Variants in CNTN4 observed in about 807,000 individuals in gnomAD.
CNTN4 encodes the protein contactin 4, also known as contactin-4.
In CNTN4, 77 loss-of-function variants were observed where a neutral mutation model predicts 122.5. The ratio of observed to expected loss-of-function variants is 0.63; its 90% CI spans 0.52 to 0.76. The LOEUF is 0.76. Among genes scored for constraint, CNTN4 ranks in the 30% least tolerant of loss-of-function variants. The pLI, the probability that CNTN4 is intolerant of heterozygous loss-of-function variation, is 0.00. For missense variants in CNTN4, 1,256 were observed against 1,259.1 expected (o/e 1.00, Z 0.04); for synonymous variants, 512 against 447.0 (o/e 1.15, Z -1.83).
At chr3:2,785,139 A>ACACATATG (rs2091762528) in intron 6 of CNTN4, among the ~76,000 whole-genome samples, 1 of 12,506 alleles carries the variant, frequency 8.0e-5, no homozygotes, top group Non-Finnish European at 2.4e-4. Context: ...ACACACACAC[A>ACACATATG]TATATATAGA....
At chr3:2,248,941 C>CT (rs1462184786) in intron 2 of CNTN4, among the ~76,000 whole-genome samples, 1 of 151,832 alleles carries the variant, frequency 6.6e-6, no homozygotes, top group African/African-American at 2.4e-5. Context: ...AAGGTATTCC[C>CT]TCGTACCCTC....
intron 3 of CNTN4, among the ~76,000 whole-genome samples, chr3:2,538,426 C>T (rs2077896596): frequency 6.6e-6 from 1 of 152,076 alleles, no homozygotes; most frequent in African/African-American, 2.4e-5. Context: ...ATCTACTTAG[C>T]AATGCATTTT....
At chr3:3,027,043 G>C (rs1023916384) in intron 15 of CNTN4, among the ~76,000 whole-genome samples, 3 of 152,202 alleles carry the variant, frequency 2.0e-5, no homozygotes, top group African/African-American at 7.2e-5. Context: ...GCCCTGACTT[G>C]AAAAGCTCTC....
At chr3:2,556,889 A>C (rs1372263560) in intron 3 of CNTN4, among the ~76,000 whole-genome samples, 1 of 152,112 alleles carries the variant, frequency 6.6e-6, no homozygotes, top group East Asian at 1.9e-4. Flanking sequence ...AATGGAACAA[A>C]GTTTTTTCTA....
intron 3 of CNTN4, among the ~76,000 whole-genome samples, chr3:2,431,411 A>C (rs1016787847): frequency 9.2e-5 from 14 of 152,214 alleles, no homozygotes; most frequent in African/African-American, 2.4e-4. Flanking sequence ...TTTGAAGCAA[A>C]ATTATCTTCC....
intron 2 of CNTN4, among the ~76,000 whole-genome samples, chr3:2,245,543 A>G (rs2040111920): frequency 6.6e-6 from 1 of 152,024 alleles, no homozygotes; most frequent in African/African-American, 2.4e-5. Context: ...TTGCATTGAA[A>G]CTGTTGCAAC....
rs113157478 is a variant in CNTN4, at chr3:2,165,232, A to G, written c.-145+64593A>G. ...CAGCTACTCCAGAGGCTGAGGCAGG[A>G]GAATTGCTTGAACCCAGGAGGCAGA... On this transcript the variant is annotated intron_variant, in intron 2 of 24. Transcript: ENST00000418658. Among the ~76,000 whole-genome samples, 760 of 152,028 alleles carry G rather than the reference A, an allele frequency of 5.0e-3. 6 individuals are homozygous for G. The highest frequency in any genetic ancestry group is 0.018 in the African/African-American group (729 of 41,492).
chr3:2,753,729 T>TTTGTTGCA (rs2090204651), intron 6 of CNTN4, among the ~76,000 whole-genome samples: 1 of 152,236 alleles, frequency 6.6e-6, no homozygotes, highest in Non-Finnish European at 1.5e-5. Context: ...ACTTGAATTT[T>TTTGTTGCA]TTGTTGCATT....
At chr3:2,134,727 G>A (rs2034605884) in intron 2 of CNTN4, among the ~76,000 whole-genome samples, 1 of 152,144 alleles carries the variant, frequency 6.6e-6, no homozygotes, top group Admixed American at 6.5e-5. Flanking sequence ...CAGTGCAAGG[G>A]GAGCCCTGTG....
intron 13 of CNTN4, among the ~76,000 whole-genome samples, chr3:2,937,725 C>T (rs928807220): frequency 5.3e-5 from 8 of 152,168 alleles, no homozygotes; most frequent in Non-Finnish European, 8.8e-5. Context: ...ACAGAATCCA[C>T]AGCAGTGCTT....
At chr3:2,634,886 A>T (rs1157929629) in intron 4 of CNTN4, among the ~76,000 whole-genome samples, 1 of 151,780 alleles carries the variant, frequency 6.6e-6, no homozygotes, top group Admixed American at 6.6e-5. Context: ...AAAATTCTAT[A>T]AATGATTACA....
intron 2 of CNTN4, among the ~76,000 whole-genome samples, chr3:2,230,001 T>G (rs1476278819): frequency 6.7e-6 from 1 of 150,162 alleles, no homozygotes. Context: ...TAATCTGTTC[T>G]TAACCTAAAG....
At chr3:2,780,867 G>A (rs953983248) in intron 6 of CNTN4, among the ~76,000 whole-genome samples, 34 of 152,136 alleles carry the variant, frequency 2.2e-4, no homozygotes, top group African/African-American at 7.2e-4. Flanking sequence ...TGCATTATAC[G>A]TTTTAGATAT....
chr3:3,043,823 A>C, intron 23 of CNTN4, 119 bp downstream of exon 23: 1 of 737,048 alleles, frequency 1.4e-6, no homozygotes, highest in Admixed American at 2.0e-5. Flanking sequence ...CCTACCCTCT[A>C]GGAATCGCTG....
chr3:2,233,347 C>T (rs1353383673), intron 2 of CNTN4, among the ~76,000 whole-genome samples: 3 of 152,084 alleles, frequency 2.0e-5, no homozygotes, highest in Non-Finnish European at 2.9e-5. Context: ...TTCATAACTC[C>T]ACCGTATGGC....
chr3:2,999,316 G>C (rs1466889800), intron 14 of CNTN4, among the ~76,000 whole-genome samples: 1 of 152,180 alleles, frequency 6.6e-6, no homozygotes, highest in Admixed American at 6.5e-5. Flanking sequence ...AACAACTCTT[G>C]TAATATCTAT....
chr3:2,694,937 T>C (rs2085944535), intron 4 of CNTN4, among the ~76,000 whole-genome samples: 1 of 152,162 alleles, frequency 6.6e-6, no homozygotes, highest in South Asian at 2.1e-4. Flanking sequence ...AAATGAACCG[T>C]TTGGTTTTAA....
At chr3:2,597,218 C>G (rs1441731483) in intron 4 of CNTN4, among the ~76,000 whole-genome samples, 1 of 152,118 alleles carries the variant, frequency 6.6e-6, no homozygotes, top group Admixed American at 6.6e-5. Flanking sequence ...CTTAGCAGTT[C>G]CATAGCCAAG....
chr3:2,930,011 C>A (rs762338162), intron 13 of CNTN4, among the ~76,000 whole-genome samples: 3 of 152,172 alleles, frequency 2.0e-5, no homozygotes, highest in Non-Finnish European at 4.4e-5. Flanking sequence ...ATGATGGAGA[C>A]CTTACTAATT....
Sources: gnomAD v4.1 joint callset for allele counts (sites outside exome capture counted in the v4.1 genomes callset) on GRCh38, gnomAD v4.1.1 for gene constraint, MANE v1.5 for transcripts, NCBI Gene and HGNC (gene_info 2026-07-23, HGNC 2026-07-21) for gene names.